Variants in GLIS3 observed in about 807,000 individuals in gnomAD.
The protein encoded by GLIS3 is GLIS family zinc finger 3.
Under a neutral mutation model 78.6 loss-of-function variants are expected in GLIS3, and 53 were observed. The ratio of observed to expected loss-of-function variants is 0.67; its 90% CI spans 0.54 to 0.85. The LOEUF (loss-of-function observed/expected upper bound fraction) is 0.85, where lower values mean the gene tolerates loss of function less well. Among genes scored for constraint, GLIS3 ranks in the 40% least tolerant of loss-of-function variants. The pLI, the probability that GLIS3 is intolerant of heterozygous loss-of-function variation, is 0.00. For synonymous variants in GLIS3, 684 were observed against 509.9 expected (o/e 1.34, Z -4.60); for missense variants, 1,703 against 1,231.1 (o/e 1.38, Z -5.74).
chr9:4,022,625 A>T lies in GLIS3; in HGVS notation c.1711-85436T>A, dbSNP rs559910776. On this transcript the variant is annotated intron_variant, in intron 4 of 10. Coordinates refer to ENST00000381971, the MANE Select transcript of GLIS3 (RefSeq NM_001042413.2). ...TCTGTCCACAGTGAGACTTGTAAAC[A>T]AGTGTTCATGGACTTCTTATTCACA... Among the ~76,000 whole-genome samples the T allele has an allele frequency of 2.6e-5, 4 of 152,296 alleles. No individual in the cohort carries two copies. In the South Asian group the frequency reaches 8.3e-4, roughly 32 times the overall value.
chr9:4,232,750 T>C (rs1183475971), intron 2 of GLIS3, among the ~76,000 whole-genome samples: 1 of 152,180 alleles, frequency 6.6e-6, no homozygotes, highest in African/African-American at 2.4e-5. Context: ...TTATCTAATA[T>C]TAAGAGACTA....
At chr9:4,038,093 C>T (rs1022697657) in intron 4 of GLIS3, among the ~76,000 whole-genome samples, 1 of 152,152 alleles carries the variant, frequency 6.6e-6, no homozygotes, top group Non-Finnish European at 1.5e-5. Flanking sequence ...TCTTCCTGTT[C>T]ACCTGGCTTG....
chr9:4,435,175 A>G, the GLIS3 span, among the ~76,000 whole-genome samples: 1 of 152,324 alleles, frequency 6.6e-6, no homozygotes, highest in Non-Finnish European at 1.5e-5. Context: ...CTTCCTCTCA[A>G]TGACTGCATG....
At chr9:4,362,785 C>A in the GLIS3 span, among the ~76,000 whole-genome samples, 1 of 152,162 alleles carries the variant, frequency 6.6e-6, no homozygotes, top group Non-Finnish European at 1.5e-5. Flanking sequence ...ATAGAGCAAA[C>A]TCTGCAGGAC....
the GLIS3 span, among the ~76,000 whole-genome samples, chr9:4,380,811 A>C: frequency 6.6e-6 from 1 of 152,206 alleles, no homozygotes; most frequent in Non-Finnish European, 1.5e-5. Context: ...TTGGGATGGG[A>C]GATGCAAGAC....
intron 6 of GLIS3, among the ~76,000 whole-genome samples, chr9:3,901,768 G>A (rs956431862): frequency 6.6e-6 from 1 of 152,248 alleles, no homozygotes; most frequent in Middle Eastern, 3.4e-3. Flanking sequence ...TCCAGTCTCT[G>A]ACCAGGACTC....
chr9:3,947,915 C>T (rs1319943568), intron 4 of GLIS3, among the ~76,000 whole-genome samples: 1 of 152,176 alleles, frequency 6.6e-6, no homozygotes, highest in African/African-American at 2.4e-5. Context: ...TTATGCACTT[C>T]TTAAATATAA....
At chr9:4,009,050 G>A (rs1259098241) in intron 4 of GLIS3, among the ~76,000 whole-genome samples, 1 of 152,100 alleles carries the variant, frequency 6.6e-6, no homozygotes, top group East Asian at 1.9e-4. Flanking sequence ...TTGACCCTCC[G>A]ATATTCCTTC....
chr9:4,296,670 A>T (rs1816535436), intron 1 of GLIS3, among the ~76,000 whole-genome samples: 1 of 152,186 alleles, frequency 6.6e-6, no homozygotes, highest in South Asian at 2.1e-4. Context: ...AGCAGCACTT[A>T]AATTGATCTA....
chr9:4,242,821 G>C (rs1823442704), intron 2 of GLIS3, among the ~76,000 whole-genome samples: 1 of 151,980 alleles, frequency 6.6e-6, no homozygotes, highest in Admixed American at 6.6e-5. Flanking sequence ...TAGTATTTTA[G>C]ATAAAAATGT....
At chr9:4,343,974 A>T (rs1817870657) in intron 2 of GLIS3, among the ~76,000 whole-genome samples, 1 of 152,154 alleles carries the variant, frequency 6.6e-6, no homozygotes, top group African/African-American at 2.4e-5. Flanking sequence ...TACTGTGCTT[A>T]TTACCTGCAT....
intron 6 of GLIS3, among the ~76,000 whole-genome samples, chr9:3,912,593 T>C (rs1336599479): frequency 1.3e-5 from 2 of 152,242 alleles, no homozygotes; most frequent in East Asian, 3.8e-4. Context: ...TTTGTATTGT[T>C]ACATTTGTAA....
At chr9:4,215,004 T>C (rs1031487116) in intron 2 of GLIS3, among the ~76,000 whole-genome samples, 1 of 152,154 alleles carries the variant, frequency 6.6e-6, no homozygotes, top group African/African-American at 2.4e-5. Flanking sequence ...TCCCTGTACT[T>C]TGAAAAGCCC....
chr9:4,370,967 A>G, the GLIS3 span, among the ~76,000 whole-genome samples: 11 of 152,192 alleles, frequency 7.2e-5, no homozygotes, highest in Admixed American at 7.2e-4. Context: ...AAGAAGGAAA[A>G]TTGCAAAGAT....
the GLIS3 span, among the ~76,000 whole-genome samples, chr9:4,374,174 A>G: frequency 6.6e-6 from 1 of 152,180 alleles, no homozygotes; most frequent in Non-Finnish European, 1.5e-5. Flanking sequence ...TGCTTCAGTG[A>G]TACTGCCTTC....
At chr9:4,107,189 A>C (rs2130826530) in intron 4 of GLIS3, among the ~76,000 whole-genome samples, 1 of 152,320 alleles carries the variant, frequency 6.6e-6, no homozygotes, top group East Asian at 1.9e-4. Context: ...TCAAGGAGAT[A>C]TAGAAAACTG....
chr9:3,920,771 A>C (rs990168755), intron 6 of GLIS3, among the ~76,000 whole-genome samples: 1 of 152,212 alleles, frequency 6.6e-6, no homozygotes, highest in Non-Finnish European at 1.5e-5. Context: ...CTCAAAATAC[A>C]GTTTCTATTC....
At chr9:4,405,818 C>CT in the GLIS3 span, among the ~76,000 whole-genome samples, 1 of 151,306 alleles carries the variant, frequency 6.6e-6, no homozygotes, top group Non-Finnish European at 1.5e-5. Context: ...CAAAAATCCT[C>CT]AACAAAATAC....
At chr9:3,842,872 G>A (rs769659316) in intron 9 of GLIS3, among the ~76,000 whole-genome samples, 3 of 152,156 alleles carry the variant, frequency 2.0e-5, no homozygotes, top group Non-Finnish European at 4.4e-5. Flanking sequence ...ATGGAGAGAG[G>A]GAGTTCTTCC....
Sources: gnomAD v4.1 joint callset for allele counts (sites outside exome capture counted in the v4.1 genomes callset) on GRCh38, gnomAD v4.1.1 for gene constraint, MANE v1.5 for transcripts, NCBI Gene and HGNC (gene_info 2026-07-23, HGNC 2026-07-21) for gene names.